LRP1B: variants seen among roughly 807,000 people sequenced by gnomAD.
LRP1B encodes the protein low-density lipoprotein receptor-related protein 1B.
LRP1B carries 217 observed loss-of-function variants against 556.6 expected under a neutral mutation model. The ratio of observed to expected loss-of-function variants is 0.39; its 90% CI spans 0.35 to 0.44. The LOEUF (loss-of-function observed/expected upper bound fraction) is 0.44, where lower values mean the gene tolerates loss of function less well. LRP1B is among the 20% of genes least tolerant of loss of function. LRP1B has a pLI of 1.00. For missense variants in LRP1B, 5,053 were observed against 5,620.8 expected (o/e 0.90, Z 3.23); for synonymous variants, 2,047 against 1,865.8 (o/e 1.10, Z -2.50).
chr2:141,867,010 C>A (rs1163378909), intron 1 of LRP1B, among the ~76,000 whole-genome samples: 1 of 152,006 alleles, frequency 6.6e-6, no homozygotes, highest in Non-Finnish European at 1.5e-5. Flanking sequence ...TTTGGACCTT[C>A]CATTAGTCTA....
intron 1 of LRP1B, among the ~76,000 whole-genome samples, chr2:141,982,544 C>G (rs1225620615): frequency 6.6e-6 from 1 of 152,120 alleles, no homozygotes; most frequent in Non-Finnish European, 1.5e-5. Context: ...AACGCTAAAA[C>G]CACAACTAAT....
At position 141,184,767 on chromosome 2, in the gene LRP1B, C is replaced by T. The variant is rs1173716557; in HGVS notation, c.1013+3654G>A. 7.3e-5 allele frequency among the ~76,000 whole-genome samples: 11 copies of T among 151,134 alleles called. No homozygotes were observed. In the Admixed American group the frequency reaches 7.3e-4, roughly 10 times the overall value. On this transcript the variant is annotated intron_variant, in intron 7 of 90. Transcript: ENST00000389484. ...CAGCGATGGGTAAGAAAAAAGGTTCCCCTCCATGCCCACCGAGCCATACTC... is the reference window on the plus strand; with the variant it reads ...CAGCGATGGGTAAGAAAAAAGGTTCTCCTCCATGCCCACCGAGCCATACTC...
chr2:140,261,809 A>T (rs1169882718), intron 86 of LRP1B, among the ~76,000 whole-genome samples: 3 of 152,134 alleles, frequency 2.0e-5, no homozygotes, highest in East Asian at 1.9e-4. Flanking sequence ...ACGGAAACCA[A>T]AATAACAGTA....
In LRP1B at chr2:141,058,894, G is replaced by A. The variant is rs1479161356; in HGVS notation, c.1397C>T (p.Thr466Ile). Residue 466 changes from threonine to isoleucine, a missense_variant, in exon 9 of 91, where the codon ACT becomes ATT. By Grantham distance (89) the Thr-to-Ile change is moderately conservative. This residue lies in a region of LRP1B where 3,619 missense variants were observed against 3,931.9 expected (regional missense o/e 0.92). Transcript: ENST00000389484. ...AWGIRIYQKR[T>I]QPTVRSHACE... ...GCTTTCCCACTTACCTGTTGGTTGA[G>A]TTCTTTTTTGATAAATTCGGATTCC... The A allele has an allele frequency of 3.1e-6, 5 of 1,587,576 alleles. No homozygotes were observed. The highest frequency in any genetic ancestry group is 4.3e-6 in the Non-Finnish European group (5 of 1,169,430).
intron 3 of LRP1B, among the ~76,000 whole-genome samples, chr2:141,332,109 A>ATT (rs202038135): frequency 4.1e-5 from 6 of 146,820 alleles, no homozygotes; most frequent in African/African-American, 1.5e-4. Context: ...GTAATTGTTG[A>ATT]TTTTTTTTTT....
At chr2:140,639,466 A>C (rs1436947095) in intron 41 of LRP1B, among the ~76,000 whole-genome samples, 2 of 152,196 alleles carry the variant, frequency 1.3e-5, no homozygotes, top group African/African-American at 2.4e-5. Context: ...CTTTACATGA[A>C]TAATTATGCA....
intron 3 of LRP1B, among the ~76,000 whole-genome samples, chr2:141,310,884 A>G (rs1686789440): frequency 6.6e-6 from 1 of 152,154 alleles, no homozygotes; most frequent in Non-Finnish European, 1.5e-5. Context: ...TCTCTATCTA[A>G]TCCTTTTATT....
chr2:141,779,304 T>C (rs1695169845), intron 2 of LRP1B, among the ~76,000 whole-genome samples: 1 of 152,194 alleles, frequency 6.6e-6, no homozygotes, highest in African/African-American at 2.4e-5. Flanking sequence ...CAGATGGTGT[T>C]GTTGCTTCAG....
At chr2:140,468,572 A>T (rs1399658088) in intron 60 of LRP1B, among the ~76,000 whole-genome samples, 1 of 152,238 alleles carries the variant, frequency 6.6e-6, no homozygotes, top group Non-Finnish European at 1.5e-5. Flanking sequence ...AGCCACAGGC[A>T]TGAGATTCCA....
At chr2:140,288,350 T>C (rs1198504873) in intron 84 of LRP1B, among the ~76,000 whole-genome samples, 1 of 151,792 alleles carries the variant, frequency 6.6e-6, no homozygotes, top group Non-Finnish European at 1.5e-5. Flanking sequence ...GGTTATCATA[T>C]TATCTATAAG....
intron 3 of LRP1B, among the ~76,000 whole-genome samples, chr2:141,295,419 C>T (rs1239478131): frequency 1.3e-5 from 2 of 152,124 alleles, no homozygotes; most frequent in Non-Finnish European, 2.9e-5. Context: ...ATCACACTGA[C>T]TATCTAAAGT....
At chr2:141,385,507 T>C (rs1489221146) in intron 3 of LRP1B, among the ~76,000 whole-genome samples, 3 of 152,100 alleles carry the variant, frequency 2.0e-5, no homozygotes, top group Admixed American at 2.0e-4. Context: ...GACAACATGA[T>C]GAAAATATGT....
chr2:141,298,570 A>C, intron 3 of LRP1B, among the ~76,000 whole-genome samples: 1 of 152,220 alleles, frequency 6.6e-6, no homozygotes, highest in Admixed American at 6.5e-5. Flanking sequence ...ATAGGGGAGG[A>C]CAACAGAAGC....
intron 43 of LRP1B, among the ~76,000 whole-genome samples, chr2:140,579,159 A>G (rs1681658526): frequency 6.6e-6 from 1 of 152,322 alleles, no homozygotes; most frequent in African/African-American, 2.4e-5. Flanking sequence ...TCGGGAGAAC[A>G]AAATTTCCTT....
chr2:141,071,992 T>A (rs1195192634), intron 7 of LRP1B, among the ~76,000 whole-genome samples: 2 of 152,090 alleles, frequency 1.3e-5, no homozygotes, highest in Non-Finnish European at 2.9e-5. Flanking sequence ...TTCACAGAAT[T>A]GGAAAAACTA....
intron 1 of LRP1B, among the ~76,000 whole-genome samples, chr2:142,027,433 A>ATAGACTAT (rs1703546254): frequency 2.0e-5 from 3 of 151,742 alleles, no homozygotes; most frequent in Non-Finnish European, 2.9e-5. Flanking sequence ...TAAATATGGT[A>ATAGACTAT]ATTGGACAGT....
At chr2:141,331,537 T>TTTC (rs1487412601) in intron 3 of LRP1B, among the ~76,000 whole-genome samples, 1 of 88,264 alleles carries the variant, frequency 1.1e-5, no homozygotes, top group East Asian at 2.1e-4. Context: ...TCTTTCTTTC[T>TTTC]TTCTTTCTTT....
intron 43 of LRP1B, among the ~76,000 whole-genome samples, chr2:140,566,938 A>G (rs1318778911): frequency 6.6e-6 from 1 of 152,108 alleles, no homozygotes; most frequent in African/African-American, 2.4e-5. Flanking sequence ...TTCCTGGGCT[A>G]CCTAGAACAA....
intron 1 of LRP1B, among the ~76,000 whole-genome samples, chr2:141,817,812 T>C (rs887120403): frequency 6.6e-6 from 1 of 152,242 alleles, no homozygotes; most frequent in East Asian, 1.9e-4. Context: ...AAATTGCCTA[T>C]TGAATGTATA....
Sources: gnomAD v4.1 joint callset for allele counts (sites outside exome capture counted in the v4.1 genomes callset) on GRCh38, gnomAD v4.1.1 for gene constraint, gnomAD v4.1.1 regional missense constraint, MANE v1.5 for transcripts, NCBI Gene and HGNC (gene_info 2026-07-23, HGNC 2026-07-21) for gene names.